XRCC4: variants seen among roughly 807,000 people sequenced by gnomAD.
XRCC4 encodes DNA repair protein XRCC4.
XRCC4 carries 28 observed loss-of-function variants against 39.1 expected under a neutral mutation model. The observed-to-expected ratio is 0.72, with a 90% CI of 0.53 to 0.98. XRCC4 has a LOEUF of 0.98. Among genes scored for constraint, XRCC4 ranks in the 50% least tolerant of loss-of-function variants. The pLI, the probability that XRCC4 is intolerant of heterozygous loss-of-function variation, is 0.00. For missense variants in XRCC4, 350 were observed against 376.4 expected, an observed-to-expected ratio of 0.93 and a Z score of 0.58; for synonymous variants, 123 against 126.4, an observed-to-expected ratio of 0.97 and a Z score of 0.18.
intron 6 of XRCC4, among the ~76,000 whole-genome samples, chr5:83,215,818 T>C (rs1380233589): frequency 6.6e-6 from 1 of 152,086 alleles, no homozygotes; most frequent in East Asian, 1.9e-4. Flanking sequence ...AACACAAAAA[T>C]TAACTCAAAA....
At chr5:83,158,746 C>A (rs1371904673) in intron 3 of XRCC4, among the ~76,000 whole-genome samples, 1 of 152,008 alleles carries the variant, frequency 6.6e-6, no homozygotes, top group East Asian at 1.9e-4. Context: ...CCCAGTTTTA[C>A]TGTAAGAAAC....
chr5:83,358,406 CTATT>C (rs1055074873), downstream of XRCC4, among the ~76,000 whole-genome samples: 1 of 151,998 alleles, frequency 6.6e-6, no homozygotes, highest in Non-Finnish European at 1.5e-5. Context: ...TTCCTCTCCT[CTATT>C]TAAATAAAAT....
chr5:83,083,283 G>A (rs1432742745), intron 1 of XRCC4, among the ~76,000 whole-genome samples: 3 of 151,712 alleles, frequency 2.0e-5, no homozygotes, highest in African/African-American at 7.3e-5. Context: ...GTTGTCTTAT[G>A]CCACATTCTA....
chr5:83,261,234 A>G (rs982350257), intron 7 of XRCC4, among the ~76,000 whole-genome samples: 16 of 152,032 alleles, frequency 1.1e-4, no homozygotes, highest in South Asian at 2.1e-4. Context: ...GACGTTCTCA[A>G]TTACTAATGG....
intron 7 of XRCC4, among the ~76,000 whole-genome samples, chr5:83,329,580 T>A (rs1028174688): frequency 2.0e-5 from 3 of 152,070 alleles, no homozygotes; most frequent in African/African-American, 7.2e-5. Context: ...AACTTTTCAG[T>A]AGAAAAGCAT....
At chr5:83,194,211 G>T (rs888464543) in intron 3 of XRCC4, among the ~76,000 whole-genome samples, 3 of 152,200 alleles carry the variant, frequency 2.0e-5, no homozygotes, top group Non-Finnish European at 4.4e-5. Context: ...CTCCCAAAGT[G>T]TTGGGATTAC....
chr5:83,252,884 C>T (rs755614948), intron 6 of XRCC4, among the ~76,000 whole-genome samples: 17 of 151,896 alleles, frequency 1.1e-4, no homozygotes, highest in African/African-American at 1.5e-4. Context: ...ATAAAATTAC[C>T]GAGTAATATG....
intron 3 of XRCC4, among the ~76,000 whole-genome samples, chr5:83,137,624 C>T (rs971887433): frequency 1.3e-5 from 2 of 152,136 alleles, no homozygotes; most frequent in Non-Finnish European, 2.9e-5. Flanking sequence ...CAGCACTGCA[C>T]CTTTCAAGGT....
At chr5:83,210,245 T>C (rs1374363939) in intron 6 of XRCC4, among the ~76,000 whole-genome samples, 1 of 152,188 alleles carries the variant, frequency 6.6e-6, no homozygotes, top group Non-Finnish European at 1.5e-5. Context: ...ATTATGCTCT[T>C]AGTCTTGCCC....
At chr5:83,250,112 T>C (rs1415647708) in intron 6 of XRCC4, among the ~76,000 whole-genome samples, 1 of 152,124 alleles carries the variant, frequency 6.6e-6, no homozygotes, top group African/African-American at 2.4e-5. Flanking sequence ...CAATGAAGCT[T>C]TGTGTTGGCT....
chr5:83,139,868 G>A (rs778084256), intron 3 of XRCC4, among the ~76,000 whole-genome samples: 13 of 152,080 alleles, frequency 8.5e-5, no homozygotes, highest in Non-Finnish European at 1.9e-4. Flanking sequence ...CTGAAATATT[G>A]TTATGTGGTG....
At chr5:83,315,070 T>C (rs548617801) in intron 7 of XRCC4, among the ~76,000 whole-genome samples, 6 of 152,254 alleles carry the variant, frequency 3.9e-5, no homozygotes, top group African/African-American at 1.4e-4. Flanking sequence ...GGAAAACTTT[T>C]TGAAGGAAAT....
chr5:83,288,487 CTATTA>C (rs1258749152), intron 7 of XRCC4, among the ~76,000 whole-genome samples: 1 of 151,750 alleles, frequency 6.6e-6, no homozygotes, highest in African/African-American at 2.4e-5. Flanking sequence ...ATGTTCTTGT[CTATTA>C]TGTCTTATTT....
intron 3 of XRCC4, among the ~76,000 whole-genome samples, chr5:83,192,599 C>T (rs112049231): frequency 0.014 from 2,206 of 152,192 alleles, 62 homozygotes; most frequent in African/African-American, 0.051. Context: ...GCTGGAGCCA[C>T]CGCACCTGGC....
At chr5:83,141,311 G>A (rs1466144193) in intron 3 of XRCC4, among the ~76,000 whole-genome samples, 1 of 152,072 alleles carries the variant, frequency 6.6e-6, no homozygotes, top group East Asian at 1.9e-4. Flanking sequence ...ATCTTTTCAG[G>A]TGAATTCCTA....
At chr5:83,145,171 A>G (rs1198276685) in intron 3 of XRCC4, among the ~76,000 whole-genome samples, 1 of 152,228 alleles carries the variant, frequency 6.6e-6, no homozygotes, top group African/African-American at 2.4e-5. Flanking sequence ...CTGGGCTTAC[A>G]GGCATGAACC....
chr5:83,347,235 TA>T (rs576385850), intron 7 of XRCC4, among the ~76,000 whole-genome samples: 19 of 151,904 alleles, frequency 1.3e-4, no homozygotes, highest in Admixed American at 1.3e-4. Context: ...CACATTTTTG[TA>T]AAAAAAAGGC....
intron 1 of XRCC4, among the ~76,000 whole-genome samples, chr5:83,093,900 C>T (rs944089038): frequency 1.5e-4 from 23 of 152,004 alleles, no homozygotes; most frequent in African/African-American, 3.4e-4. Flanking sequence ...CATTTTTTTA[C>T]GCCCCATCCC....
intron 3 of XRCC4, among the ~76,000 whole-genome samples, chr5:83,121,902 T>A (rs201603595): frequency 2.2e-5 from 1 of 45,726 alleles, no homozygotes; most frequent in Non-Finnish European, 4.9e-5. Context: ...TCATTTTTTA[T>A]ATGAATATTT....
Sources: allele counts gnomAD v4.1 joint callset (sites outside exome capture counted in the v4.1 genomes callset), GRCh38; gene constraint gnomAD v4.1.1; transcripts MANE v1.5; gene names NCBI Gene and HGNC (gene_info 2026-07-23, HGNC 2026-07-21).